The following CLASP2 variants were observed in gnomAD, a reference collection of about 807,000 sequenced individuals.
CLASP2 encodes the protein CLIP-associating protein 2.
Under a neutral mutation model 194.4 loss-of-function variants are expected in CLASP2, and 47 were observed. The observed-to-expected ratio is 0.24, with a 90% CI of 0.19 to 0.31. CLASP2 has a LOEUF of 0.31. Ranked by LOEUF, CLASP2 falls within the 10% of genes least tolerant of loss-of-function variation. The pLI is 1.00. For missense variants in CLASP2, 1,445 were observed against 1,823.6 expected (o/e 0.79, Z 3.78); for synonymous variants, 619 against 633.5 (o/e 0.98, Z 0.34).
At chr3:33,572,256 T>C (rs1483119200) in intron 25 of CLASP2, among the ~76,000 whole-genome samples, 7 of 152,162 alleles carry the variant, frequency 4.6e-5, no homozygotes. Flanking sequence ...GAATCTAATA[T>C]TAACTTAATC....
chr3:33,528,675 T>C (rs770533361), intron 34 of CLASP2, among the ~76,000 whole-genome samples: 2 of 151,940 alleles, frequency 1.3e-5, no homozygotes, highest in Non-Finnish European at 2.9e-5. Flanking sequence ...GGCAGGAGAA[T>C]TGCTTGAACC....
intron 32 of CLASP2, among the ~76,000 whole-genome samples, chr3:33,540,752 C>T (rs1329711411): frequency 6.6e-6 from 1 of 150,772 alleles, no homozygotes; most frequent in African/African-American, 2.4e-5. Flanking sequence ...AAAAATCAAG[C>T]TATTAACTAT....
chr3:33,671,747 C>T (rs528218014), intron 6 of CLASP2, among the ~76,000 whole-genome samples: 63 of 152,320 alleles, frequency 4.1e-4, no homozygotes, highest in African/African-American at 1.2e-3. Flanking sequence ...CTGAATACTG[C>T]GCTTTTCCGA....
At position 33,603,192 on chromosome 3, in the gene CLASP2, C is replaced by G. The variant is rs926750211; in HGVS notation, c.1751-67G>C. 4 of 1,439,938 alleles carry G rather than the reference C, an allele frequency of 2.8e-6. No homozygotes were observed. In the African/African-American group the frequency reaches 5.7e-5, roughly 21 times the overall value. The allele number at this position is 1,439,938 out of a possible 1,614,324, so 89.2% of individuals were successfully genotyped here. ...ACTGAAAACATGAAAATTATATAAACCTGACCACCATGAGCTAATCTGATG... is the reference window on the plus strand; with the variant it reads ...ACTGAAAACATGAAAATTATATAAAGCTGACCACCATGAGCTAATCTGATG... On this transcript the variant is annotated intron_variant, in intron 17 of 38. Coordinates refer to ENST00000682230, the MANE Select transcript of CLASP2 (RefSeq NM_001365631.1).
chr3:33,652,234 G>A (rs921772116), intron 7 of CLASP2, among the ~76,000 whole-genome samples: 6 of 152,128 alleles, frequency 3.9e-5, no homozygotes, highest in Admixed American at 3.3e-4. Context: ...CCTTGAAGCT[G>A]TATCCTTCCT....
At chr3:33,504,090 T>C (rs2047494377) in intron 37 of CLASP2, 1 of 152,214 alleles carries the variant, frequency 6.6e-6, no homozygotes, top group Non-Finnish European at 1.5e-5. Flanking sequence ...TTATCAGATA[T>C]ATAATTTGCA....
intron 20 of CLASP2, among the ~76,000 whole-genome samples, chr3:33,593,314 A>G (rs1029347937): frequency 5.9e-5 from 9 of 152,192 alleles, no homozygotes; most frequent in African/African-American, 2.2e-4. Context: ...GGTGTTCTTA[A>G]GCAATAGTCT....
intron 24 of CLASP2, 112 bp from the exon 25 acceptor site, chr3:33,573,466 T>A (rs773800723): frequency 9.5e-7 from 1 of 1,055,844 alleles, no homozygotes; most frequent in East Asian, 2.6e-5. Flanking sequence ...GTGCAAAGCA[T>A]GCTCCTAATC....
At chr3:33,600,222 G>A (rs1258907474) in intron 18 of CLASP2, among the ~76,000 whole-genome samples, 1 of 151,934 alleles carries the variant, frequency 6.6e-6, no homozygotes, top group Non-Finnish European at 1.5e-5. Flanking sequence ...GCCCTGTCTA[G>A]CACCTCCAAT....
At chr3:33,662,937 T>C (rs2154333073) in intron 7 of CLASP2, among the ~76,000 whole-genome samples, 1 of 152,114 alleles carries the variant, frequency 6.6e-6, no homozygotes, top group East Asian at 1.9e-4. Flanking sequence ...GAATTCCAAC[T>C]TGGTCTCATT....
chr3:33,693,734 A>C (rs1464401274), intron 2 of CLASP2, among the ~76,000 whole-genome samples: 1 of 152,208 alleles, frequency 6.6e-6, no homozygotes, highest in Admixed American at 6.5e-5. Flanking sequence ...ATATTACCCT[A>C]AAGTAATAAC....
chr3:33,606,223 C>T (rs561226109), intron 16 of CLASP2, among the ~76,000 whole-genome samples: 1 of 151,968 alleles, frequency 6.6e-6, no homozygotes, highest in Non-Finnish European at 1.5e-5. Context: ...GCAGACTAGT[C>T]ACATAGTGTT....
rs544056188 is a variant in CLASP2 at position 33,551,369 on chromosome 3, T to C, written c.3036A>G (p.Ile1012Met). The C allele has an allele frequency of 5.6e-6, 9 of 1,613,726 alleles. No homozygotes were observed. The highest frequency in any genetic ancestry group is 7.6e-6 in the Non-Finnish European group (9 of 1,179,816). ...LKVKVAILKY[I>M]ETLAKQMDPG... ...GATCCATCTGTTTGGCCAGAGTTTC[T>C]ATGTATTTAAGGATAGCAACCTTCA... is the stretch of plus-strand genomic sequence containing the variant. The change falls in exon 30 of 39, where the codon ATA (isoleucine) becomes ATG (methionine). Residue 1012 changes from isoleucine to methionine, a missense_variant. Transcript: ENST00000682230.
intron 1 of CLASP2, among the ~76,000 whole-genome samples, chr3:33,712,937 G>A (rs2093089750): frequency 1.4e-5 from 2 of 141,122 alleles, no homozygotes; most frequent in South Asian, 2.2e-4. Context: ...CAGCCTGGGC[G>A]ACAAGAGCAA....
At chr3:33,548,290 T>TTTTTTA (rs900224108) in intron 30 of CLASP2, among the ~76,000 whole-genome samples, 9 of 152,040 alleles carry the variant, frequency 5.9e-5, no homozygotes, top group Non-Finnish European at 1.2e-4. Context: ...TGTTTTATAA[T>TTTTTTA]TTTTTATTTT....
intron 3 of CLASP2, among the ~76,000 whole-genome samples, chr3:33,688,849 G>A (rs982733742): frequency 6.6e-6 from 1 of 151,986 alleles, no homozygotes; most frequent in Non-Finnish European, 1.5e-5. Context: ...CAAATTCAGA[G>A]ACGTATTTGG....
chr3:33,518,738 A>C (rs192074608), intron 34 of CLASP2, among the ~76,000 whole-genome samples: 1 of 152,344 alleles, frequency 6.6e-6, no homozygotes, highest in Admixed American at 6.5e-5. Context: ...TTTTCCATGA[A>C]AGTAAGCTTT....
chr3:33,615,479 T>C (rs959502357), intron 12 of CLASP2, among the ~76,000 whole-genome samples: 1 of 148,876 alleles, frequency 6.7e-6, no homozygotes, highest in Non-Finnish European at 1.5e-5. Context: ...ACCTTGACCA[T>C]ACATAAAGTA....
chr3:33,541,754 T>C (rs760602219), intron 32 of CLASP2, among the ~76,000 whole-genome samples: 3 of 152,224 alleles, frequency 2.0e-5, no homozygotes, highest in Non-Finnish European at 2.9e-5. Flanking sequence ...GGCATTTAGG[T>C]TGATTCCATG....
Sources: allele counts gnomAD v4.1 joint callset (sites outside exome capture counted in the v4.1 genomes callset), GRCh38; gene constraint gnomAD v4.1.1; transcripts MANE v1.5; gene names NCBI Gene and HGNC (gene_info 2026-07-23, HGNC 2026-07-21).